RABGAP1L: variants seen among roughly 807,000 people sequenced by gnomAD.
The protein encoded by RABGAP1L is rab GTPase-activating protein 1-like.
In RABGAP1L, 63 loss-of-function variants were observed where a neutral mutation model predicts 137.7. The observed-to-expected ratio is 0.46, with a 90% CI of 0.37 to 0.56. The LOEUF (loss-of-function observed/expected upper bound fraction) is 0.56, where lower values mean the gene tolerates loss of function less well. Ranked by LOEUF, RABGAP1L falls within the 20% of genes least tolerant of loss-of-function variation. The probability of loss-of-function intolerance (pLI) is 0.00; values close to 1 mark genes in which losing one functional copy is unlikely to be tolerated. For synonymous variants in RABGAP1L, 431 were observed against 433.7 expected, an observed-to-expected ratio of 0.99 and a Z score of 0.08; for missense variants, 1,095 against 1,244.0, an observed-to-expected ratio of 0.88 and a Z score of 1.80.
At chr1:174,961,855 A>G (rs1669135418) in intron 20 of RABGAP1L, among the ~76,000 whole-genome samples, 1 of 72,964 alleles carries the variant, frequency 1.4e-5, no homozygotes, top group South Asian at 3.6e-4. Flanking sequence ...CAAAAAAAAA[A>G]AAAAAAAAAA....
At chr1:174,605,912 G>A (rs1356306235) in intron 13 of RABGAP1L, among the ~76,000 whole-genome samples, 4 of 152,114 alleles carry the variant, frequency 2.6e-5, no homozygotes, top group Non-Finnish European at 2.9e-5. Context: ...TTTTCATAAA[G>A]CATGATTGAT....
intron 19 of RABGAP1L, among the ~76,000 whole-genome samples, chr1:174,818,520 T>G (rs1690670881): frequency 6.6e-6 from 1 of 152,050 alleles, no homozygotes; most frequent in Admixed American, 6.5e-5. Flanking sequence ...AATAGAGAAA[T>G]GAAGATGAGA....
At chr1:174,195,272 G>A (rs1428567531) in intron 1 of RABGAP1L, among the ~76,000 whole-genome samples, 1 of 152,100 alleles carries the variant, frequency 6.6e-6, no homozygotes, top group Non-Finnish European at 1.5e-5. Flanking sequence ...TGGCCCTTCC[G>A]AATATCCATT....
At chr1:174,656,594 A>G (rs1200337054) in intron 14 of RABGAP1L, among the ~76,000 whole-genome samples, 3 of 152,226 alleles carry the variant, frequency 2.0e-5, no homozygotes, top group African/African-American at 4.8e-5. Flanking sequence ...TTAGAAATCA[A>G]TCACCCTTTA....
chr1:174,951,576 G>A (rs1479589692), intron 19 of RABGAP1L, among the ~76,000 whole-genome samples: 2 of 152,068 alleles, frequency 1.3e-5, no homozygotes, highest in African/African-American at 4.8e-5. Flanking sequence ...ACTGGTCCAG[G>A]CCTCTCTTCT....
At chr1:174,554,303 T>TA (rs1422237972) in intron 13 of RABGAP1L, among the ~76,000 whole-genome samples, 1 of 152,218 alleles carries the variant, frequency 6.6e-6, no homozygotes, top group Non-Finnish European at 1.5e-5. Flanking sequence ...TTCTATTTTT[T>TA]AGAGTGTTGA....
At chr1:174,894,496 G>A (rs1656800396) in intron 19 of RABGAP1L, among the ~76,000 whole-genome samples, 1 of 152,204 alleles carries the variant, frequency 6.6e-6, no homozygotes, top group Non-Finnish European at 1.5e-5. Context: ...CTTTTGTAGT[G>A]TTGGGAAGGG....
intron 18 of RABGAP1L, among the ~76,000 whole-genome samples, chr1:174,775,979 G>A (rs1686496132): frequency 6.6e-6 from 1 of 152,208 alleles, no homozygotes; most frequent in Non-Finnish European, 1.5e-5. Flanking sequence ...TGCTATTTCA[G>A]TAGAGGAGAT....
At chr1:174,210,689 A>G (rs1668822246) in intron 1 of RABGAP1L, among the ~76,000 whole-genome samples, 1 of 152,220 alleles carries the variant, frequency 6.6e-6, no homozygotes, top group Non-Finnish European at 1.5e-5. Flanking sequence ...CAAAGGGGTA[A>G]TAACAGAGAA....
chr1:174,822,220 C>T (rs776096498), intron 19 of RABGAP1L, among the ~76,000 whole-genome samples: 16 of 152,286 alleles, frequency 1.1e-4, no homozygotes, highest in Middle Eastern at 3.4e-3. Context: ...GAGATTGCAC[C>T]GCTGCACTGC....
At chr1:174,246,153 A>C (rs1181091539) in intron 5 of RABGAP1L, 1 of 152,212 alleles carries the variant, frequency 6.6e-6, no homozygotes, top group Non-Finnish European at 1.5e-5. Flanking sequence ...AGGTGCTTAA[A>C]ATTCCGCCGC....
At chr1:174,980,376 G>C (rs915485130) in intron 23 of RABGAP1L, among the ~76,000 whole-genome samples, 1 of 152,148 alleles carries the variant, frequency 6.6e-6, no homozygotes, top group Non-Finnish European at 1.5e-5. Flanking sequence ...ATGAATTCAA[G>C]TTTTCTTCTC....
At chr1:174,395,385 GT>G (rs113177710) in intron 13 of RABGAP1L, among the ~76,000 whole-genome samples, 2,701 of 149,604 alleles carry the variant, frequency 0.018, 82 homozygotes, top group African/African-American at 0.063. Context: ...TGCATGTCAA[GT>G]TTTTTTTTTA....
At chr1:174,170,004 A>G (rs1341171438) in intron 1 of RABGAP1L, among the ~76,000 whole-genome samples, 1 of 152,220 alleles carries the variant, frequency 6.6e-6, no homozygotes, top group Admixed American at 6.5e-5. Context: ...ACTTTTGGGA[A>G]TTTCACTTAG....
At chr1:174,326,622 A>G (rs1571230385) in intron 11 of RABGAP1L, among the ~76,000 whole-genome samples, 1 of 152,242 alleles carries the variant, frequency 6.6e-6, no homozygotes, top group East Asian at 1.9e-4. Context: ...GGAGTAGGGG[A>G]AGGGGATAGA....
At position 174,272,314 on chromosome 1, in the gene RABGAP1L, A is replaced by G. The variant is rs532758151; in HGVS notation, c.987-100A>G. ...AAAAAACTAAAGCTTATAAATACAG[A>G]GCTCAGATTGTATAGTTATTGTAAA... On this transcript the variant is annotated intron_variant, in intron 7 of 25. Transcript: ENST00000681986. The G allele has an allele frequency of 1.8e-4, 223 of 1,226,606 alleles. 2 individuals are homozygous for G. The highest frequency in any genetic ancestry group is 8.8e-4 in the Admixed American group (30 of 33,972). 76.0% of individuals were successfully genotyped at this position (1,226,606 alleles called of 1,614,324 possible). A position where few individuals can be genotyped will look rare whatever the true frequency, so the allele number is the denominator to read the frequency against.
chr1:174,582,204 C>T (rs901616653), intron 13 of RABGAP1L, among the ~76,000 whole-genome samples: 13 of 151,908 alleles, frequency 8.6e-5, no homozygotes, highest in African/African-American at 2.9e-4. Context: ...AAAAACCCAT[C>T]TGTACAAAAA....
At chr1:174,631,571 G>A (rs1226087372) in intron 13 of RABGAP1L, among the ~76,000 whole-genome samples, 1 of 89,146 alleles carries the variant, frequency 1.1e-5, no homozygotes, top group African/African-American at 6.3e-5. Flanking sequence ...ATGAATCTGG[G>A]TGCTCCTGTA....
intron 3 of RABGAP1L, among the ~76,000 whole-genome samples, chr1:174,229,907 T>TC (rs1328653160): frequency 1.3e-5 from 2 of 152,154 alleles, no homozygotes; most frequent in East Asian, 3.9e-4. Context: ...TTCCTATTTC[T>TC]CCACATCCTC....
Sources: gnomAD v4.1 joint callset for allele counts (sites outside exome capture counted in the v4.1 genomes callset) on GRCh38, gnomAD v4.1.1 for gene constraint, MANE v1.5 for transcripts, NCBI Gene and HGNC (gene_info 2026-07-23, HGNC 2026-07-21) for gene names.